SLC10A7: variants seen among roughly 807,000 people sequenced by gnomAD.
SLC10A7 encodes solute carrier family 10 member 7, also known as sodium/bile acid cotransporter 7.
SLC10A7 carries 29 observed loss-of-function variants against 43.2 expected under a neutral mutation model. That is an observed-to-expected ratio of 0.67 (90% CI 0.50 to 0.92). The LOEUF (loss-of-function observed/expected upper bound fraction) is 0.92. Ranked by LOEUF, SLC10A7 falls within the 40% of genes least tolerant of loss-of-function variation. SLC10A7 has a pLI of 0.00. For missense variants in SLC10A7, 295 were observed against 403.2 expected (o/e 0.73, Z 2.30); for synonymous variants, 152 against 144.8 (o/e 1.05, Z -0.35).
chr4:146,376,346 C>T (rs1338574384), intron 5 of SLC10A7, among the ~76,000 whole-genome samples: 2 of 152,126 alleles, frequency 1.3e-5, no homozygotes, highest in Admixed American at 1.3e-4. Context: ...GCAAATGCCC[C>T]ACCCTCAAGC....
chr4:146,395,374 A>C (rs1241984757), intron 5 of SLC10A7, among the ~76,000 whole-genome samples: 1 of 152,170 alleles, frequency 6.6e-6, no homozygotes. Flanking sequence ...TAGGTAACAG[A>C]GCAAAACACT....
intron 5 of SLC10A7, among the ~76,000 whole-genome samples, chr4:146,375,066 C>T (rs955279528): frequency 8.6e-5 from 13 of 151,960 alleles, no homozygotes; most frequent in Admixed American, 8.5e-4. Flanking sequence ...ATTAACCAGG[C>T]ATGGTGGTGC....
At chr4:146,287,524 G>T (rs1303581219) in intron 9 of SLC10A7, among the ~76,000 whole-genome samples, 1 of 152,122 alleles carries the variant, frequency 6.6e-6, no homozygotes, top group Non-Finnish European at 1.5e-5. Flanking sequence ...TACTTTCTTT[G>T]TAAAGTGTGA....
chr4:146,480,263 G>A (rs1489650430), intron 4 of SLC10A7, among the ~76,000 whole-genome samples: 3 of 151,784 alleles, frequency 2.0e-5, no homozygotes, highest in Non-Finnish European at 4.4e-5. Context: ...TATATTCAGT[G>A]TAGTTCCAAT....
At chr4:146,328,861 A>G (rs1281373674) in intron 5 of SLC10A7, among the ~76,000 whole-genome samples, 4 of 152,250 alleles carry the variant, frequency 2.6e-5, no homozygotes, top group Non-Finnish European at 5.9e-5. Flanking sequence ...TGGAAGAAGC[A>G]ACTGTTATGC....
chr4:146,354,284 C>T (rs1267619733), intron 5 of SLC10A7, among the ~76,000 whole-genome samples: 3 of 151,772 alleles, frequency 2.0e-5, no homozygotes, highest in Non-Finnish European at 4.4e-5. Flanking sequence ...AACTCCCATT[C>T]ACAATTGCTT....
intron 5 of SLC10A7, among the ~76,000 whole-genome samples, chr4:146,332,017 G>A (rs747480976): frequency 7.2e-5 from 11 of 152,126 alleles, no homozygotes; most frequent in Non-Finnish European, 1.3e-4. Context: ...AAAACTTTTA[G>A]AAAGAAAGAA....
chr4:146,498,145 T>C (rs993389774), intron 4 of SLC10A7, among the ~76,000 whole-genome samples: 3 of 150,872 alleles, frequency 2.0e-5, no homozygotes, highest in African/African-American at 2.4e-5. Flanking sequence ...TGAGACGGAG[T>C]CTCGCTCTGT....
intron 6 of SLC10A7, among the ~76,000 whole-genome samples, chr4:146,310,066 T>C (rs1731856618): frequency 6.6e-6 from 1 of 152,130 alleles, no homozygotes; most frequent in African/African-American, 2.4e-5. Context: ...AGCGAGAACA[T>C]GTAGTATTTT....
At chr4:146,403,871 A>G (rs555254521) in intron 5 of SLC10A7, among the ~76,000 whole-genome samples, 1 of 152,332 alleles carries the variant, frequency 6.6e-6, no homozygotes, top group East Asian at 1.9e-4. Flanking sequence ...GAAAGAATAC[A>G]GTACATGCAA....
At chr4:146,358,048 T>C (rs1382938872) in intron 5 of SLC10A7, among the ~76,000 whole-genome samples, 7 of 147,814 alleles carry the variant, frequency 4.7e-5, no homozygotes, top group African/African-American at 1.8e-4. Context: ...GCACGATCAC[T>C]GAAAAACCCA....
intron 7 of SLC10A7, among the ~76,000 whole-genome samples, chr4:146,299,509 T>G (rs1578822599): frequency 6.6e-6 from 1 of 151,718 alleles, no homozygotes; most frequent in Non-Finnish European, 1.5e-5. Flanking sequence ...AAGGAGAGGG[T>G]GGGGAAAGGT....
At chr4:146,520,377 A>T (rs1468291221) in intron 1 of SLC10A7, among the ~76,000 whole-genome samples, 1 of 152,248 alleles carries the variant, frequency 6.6e-6, no homozygotes, top group East Asian at 1.9e-4. Flanking sequence ...GGGAGAAACC[A>T]CCAGGAATAA....
rs1156689989 is a variant in SLC10A7, at chr4:146,255,592, A to T, written c.*899T>A. 2 of 152,466 alleles carry T rather than the reference A, an allele frequency of 1.3e-5. No homozygotes were observed. The highest frequency in any genetic ancestry group is 3.9e-4 in the East Asian group (2 of 5,190). The allele number at this position is 152,466 out of a possible 1,614,324, so 9.4% of individuals were successfully genotyped here. A position where few individuals can be genotyped will look rare whatever the true frequency, so the allele number is the denominator to read the frequency against. ...AGGGGCAATCTGGAAAGTGCTCAGC[A>T]CATCTGCGTAATAGGAAAAAAATTT... On this transcript the variant is annotated 3_prime_UTR_variant, in exon 12 of 12. Transcript: ENST00000335472.
chr4:146,435,876 A>C (rs1447366886), intron 5 of SLC10A7, among the ~76,000 whole-genome samples: 3 of 152,160 alleles, frequency 2.0e-5, no homozygotes, highest in Non-Finnish European at 4.4e-5. Context: ...TTTTACTCAA[A>C]TGAGTATAGA....
At chr4:146,453,466 G>T (rs964354716) in intron 4 of SLC10A7, among the ~76,000 whole-genome samples, 3 of 151,896 alleles carry the variant, frequency 2.0e-5, no homozygotes, top group Non-Finnish European at 4.4e-5. Context: ...TGTTTCTTAA[G>T]GGGCCTATTA....
chr4:146,333,702 C>A (rs980565192), intron 5 of SLC10A7, among the ~76,000 whole-genome samples: 7 of 151,982 alleles, frequency 4.6e-5, no homozygotes, highest in African/African-American at 1.5e-4. Flanking sequence ...GCCTAGTAAT[C>A]CATGGTAAGG....
At chr4:146,285,833 T>G (rs1729862721) in intron 9 of SLC10A7, among the ~76,000 whole-genome samples, 1 of 151,594 alleles carries the variant, frequency 6.6e-6, no homozygotes, top group Admixed American at 6.6e-5. Flanking sequence ...TTTGGAGTGG[T>G]GAAAAGGACT....
rs72954557 is a variant in SLC10A7, at chr4:146,470,652, A to C, written c.397-27831T>G. On this transcript the variant is annotated intron_variant, in intron 4 of 11. Transcript: ENST00000335472. ...ACACAGTTTTTCCTAGAGTATTAAA[A>C]TGATGTTTACATATTTATATTTTTC... 2.5e-3 allele frequency among the ~76,000 whole-genome samples: 375 copies of C among 152,294 alleles called. 2 individuals carry two copies. The highest frequency in any genetic ancestry group is 8.8e-3 in the African/African-American group (367 of 41,556).
Sources: allele counts gnomAD v4.1 joint callset (sites outside exome capture counted in the v4.1 genomes callset), GRCh38; gene constraint gnomAD v4.1.1; transcripts MANE v1.5; gene names NCBI Gene and HGNC (gene_info 2026-07-23, HGNC 2026-07-21).